CYYR1: variants seen among roughly 807,000 people sequenced by gnomAD.
CYYR1 encodes cysteine and tyrosine rich 1.
CYYR1 carries 14 observed loss-of-function variants against 15.2 expected under a neutral mutation model. That is an observed-to-expected ratio of 0.92 (90% CI 0.61 to 1.44). The LOEUF (loss-of-function observed/expected upper bound fraction) is 1.44. Among genes scored for constraint, CYYR1 ranks in the 40% most tolerant of loss-of-function variants. CYYR1 has a pLI of 0.00. For missense variants in CYYR1, 228 were observed against 209.5 expected (o/e 1.09, Z -0.54); for synonymous variants, 80 against 77.4 (o/e 1.03, Z -0.18).
Position 26,491,501 on chromosome 21 carries a change from C to G in CYYR1, c.177-11072G>C, listed in dbSNP as rs181474773. Among the ~76,000 whole-genome samples the G allele has an allele frequency of 6.2e-4, 95 of 152,270 alleles. 2 individuals are homozygous for G. The East Asian group carries it at 0.016, about 25-fold the overall frequency. ...ATTCAGAGCTAATACTCTTTCCTTT[C>G]CATTGACTCGAAGATGGAGAGTTTC... On this transcript the variant is annotated intron_variant, in intron 2 of 3. Coordinates refer to ENST00000652641, the MANE Select transcript of CYYR1 (RefSeq NM_001320768.2).
chr21:26,499,783 G>A (rs115861941), intron 2 of CYYR1, among the ~76,000 whole-genome samples: 78 of 151,920 alleles, frequency 5.1e-4, no homozygotes, highest in African/African-American at 1.8e-3. Context: ...TTTGAGCAGT[G>A]GAAAGGAAAA....
intron 2 of CYYR1, among the ~76,000 whole-genome samples, chr21:26,495,740 A>G (rs219633): frequency 0.75 from 114,180 of 152,160 alleles, 44,855 homozygotes; most frequent in Non-Finnish European, 0.88. Flanking sequence ...GCTAAGCCAC[A>G]GAGATTTCAG....
chr21:26,553,542 T>A (rs1177898412), intron 2 of CYYR1, among the ~76,000 whole-genome samples: 1 of 152,138 alleles, frequency 6.6e-6, no homozygotes, highest in Non-Finnish European at 1.5e-5. Context: ...TATTTCTATG[T>A]TTTGGGCTGC....
intron 2 of CYYR1, among the ~76,000 whole-genome samples, chr21:26,544,330 A>G (rs1978794599): frequency 6.6e-6 from 1 of 152,258 alleles, no homozygotes; most frequent in Non-Finnish European, 1.5e-5. Context: ...CAGAGCGCTT[A>G]GAAAACCAGA....
At chr21:26,521,181 A>G (rs112602897) in intron 2 of CYYR1, among the ~76,000 whole-genome samples, 1 of 152,222 alleles carries the variant, frequency 6.6e-6, no homozygotes, top group East Asian at 1.9e-4. Context: ...CTGCACATGT[A>G]TCTTGGAACT....
At position 26,506,957 on chromosome 21, in the gene CYYR1, T is replaced by C. The variant is rs1367001018; in HGVS notation, c.177-26528A>G. ...ATCATCCTTTTCACAGCAGTACTTA[T>C]AAGCTTTGAGTTTGTATTTTTCCAC... On this transcript the variant is annotated intron_variant, in intron 2 of 3. Transcript: ENST00000652641. Among the ~76,000 whole-genome samples the C allele has an allele frequency of 4.6e-5, 7 of 152,306 alleles. No homozygotes were observed. The East Asian group carries it at 1.4e-3, about 29-fold the overall frequency.
chr21:26,496,525 A>C (rs1370065323), intron 2 of CYYR1, among the ~76,000 whole-genome samples: 2 of 152,228 alleles, frequency 1.3e-5, no homozygotes, highest in African/African-American at 4.8e-5. Context: ...TGGATGTACA[A>C]AATGAATATT....
rs1253371550 is a variant in CYYR1, at chr21:26,467,141, T to A, written c.*1360A>T. 1 of 152,208 alleles carries A rather than the reference T, an allele frequency of 6.6e-6. No homozygotes were observed. The highest frequency in any genetic ancestry group is 1.5e-5 in the Non-Finnish European group (1 of 68,026). 9.4% of individuals were successfully genotyped at this position (152,208 alleles called of 1,614,324 possible). ...GATGATGATATTGGATTAAGCATTT[T>A]AGATTTAATTGTAAAATGACACAAA... On this transcript the variant is annotated 3_prime_UTR_variant, in exon 4 of 4. Transcript: ENST00000652641.
Position 26,573,074 on chromosome 21 carries a change from G to A in CYYR1, c.-134C>T. 1 of 1,554,060 alleles carries A rather than the reference G, an allele frequency of 6.4e-7. No individual in the cohort carries two copies. Among genetic ancestry groups the A allele is most frequent in the South Asian group, 1.2e-5 (1 of 85,642 alleles). The stretch of plus-strand genomic sequence containing the variant: ...GGAGCAGAGACCCGGCCATTGCCTA[G>A]GGAGCCTTCCAAGGGAGCCCGGGCC... On this transcript the variant is annotated 5_prime_UTR_variant, in exon 1 of 4. Coordinates refer to ENST00000652641, the MANE Select transcript of CYYR1 (RefSeq NM_001320768.2).
chr21:26,514,005 T>C (rs1194836654), intron 2 of CYYR1, among the ~76,000 whole-genome samples: 1 of 151,580 alleles, frequency 6.6e-6, no homozygotes, highest in Admixed American at 6.6e-5. Flanking sequence ...ATGGCACATG[T>C]ATACATATGT....
At chr21:26,534,455 T>C (rs1396990864) in intron 2 of CYYR1, among the ~76,000 whole-genome samples, 1 of 152,134 alleles carries the variant, frequency 6.6e-6, no homozygotes, top group Non-Finnish European at 1.5e-5. Flanking sequence ...GGGAGGCTGA[T>C]GCATGGTGAC....
At chr21:26,495,431 A>T (rs2065385891) in intron 2 of CYYR1, among the ~76,000 whole-genome samples, 1 of 152,216 alleles carries the variant, frequency 6.6e-6, no homozygotes. Context: ...CAACAGACTT[A>T]AAGAAAGTGA....
intron 1 of CYYR1, among the ~76,000 whole-genome samples, chr21:26,571,675 A>G (rs1001135763): frequency 6.6e-6 from 1 of 152,274 alleles, no homozygotes; most frequent in Non-Finnish European, 1.5e-5. Flanking sequence ...ATATTAATGC[A>G]GTTGACTCTG....
intron 2 of CYYR1, among the ~76,000 whole-genome samples, chr21:26,517,641 C>T (rs2065749954): frequency 6.6e-6 from 1 of 152,116 alleles, no homozygotes; most frequent in African/African-American, 2.4e-5. Context: ...CTGCAACCTC[C>T]ATCTCCCGGA....
intron 2 of CYYR1, among the ~76,000 whole-genome samples, chr21:26,480,981 T>G (rs2065172575): frequency 6.6e-6 from 1 of 152,088 alleles, no homozygotes; most frequent in Admixed American, 6.6e-5. Context: ...TTATGACAAA[T>G]AAGTATCCCA....
At chr21:26,517,708 A>G (rs2065750579) in intron 2 of CYYR1, among the ~76,000 whole-genome samples, 1 of 152,050 alleles carries the variant, frequency 6.6e-6, no homozygotes, top group African/African-American at 2.4e-5. Flanking sequence ...GGCACACACC[A>G]CTATGCCTGG....
At chr21:26,487,564 T>C (rs1423671051) in intron 2 of CYYR1, among the ~76,000 whole-genome samples, 5 of 152,144 alleles carry the variant, frequency 3.3e-5, no homozygotes, top group South Asian at 2.1e-4. Context: ...TTATAAATCA[T>C]TGGCAATTTT....
intron 2 of CYYR1, among the ~76,000 whole-genome samples, chr21:26,536,816 C>T (rs990083695): frequency 3.9e-5 from 6 of 152,140 alleles, no homozygotes; most frequent in Non-Finnish European, 7.4e-5. Context: ...CCCCACCAAG[C>T]GACATCATTT....
chr21:26,511,985 CAT>C lies in CYYR1; in HGVS notation c.177-31558_177-31557del, dbSNP rs1176951890. 1.2e-4 allele frequency among the ~76,000 whole-genome samples: 16 copies of C among 137,720 alleles called. No homozygotes were observed. The South Asian group carries it at 3.2e-3, about 28-fold the overall frequency. 90.3% of individuals were successfully genotyped at this position (137,720 alleles called of 152,430 possible). ...TCAGAAATATGTCAACAATATCACA[CAT>C]ACACACACACACACACACACACACA... is the stretch of plus-strand genomic sequence containing the variant. On this transcript the variant is annotated intron_variant, in intron 2 of 3. Coordinates refer to ENST00000652641, the MANE Select transcript of CYYR1 (RefSeq NM_001320768.2).
Sources: allele counts gnomAD v4.1 joint callset (sites outside exome capture counted in the v4.1 genomes callset), GRCh38; gene constraint gnomAD v4.1.1; transcripts MANE v1.5; gene names NCBI Gene and HGNC (gene_info 2026-07-23, HGNC 2026-07-21).